Variants in ADAMTS12 observed in about 807,000 individuals in gnomAD.
ADAMTS12 encodes the protein ADAM metallopeptidase with thrombospondin type 1 motif 12.
Under a neutral mutation model 167.8 loss-of-function variants are expected in ADAMTS12, and 118 were observed. That is an observed-to-expected ratio of 0.70 (90% CI 0.61 to 0.82). ADAMTS12 has a LOEUF of 0.82. Among genes scored for constraint, ADAMTS12 ranks in the 40% least tolerant of loss-of-function variants. The pLI, the probability that ADAMTS12 is intolerant of heterozygous loss-of-function variation, is 0.00. For synonymous variants in ADAMTS12, 704 were observed against 716.9 expected, an observed-to-expected ratio of 0.98 and a Z score of 0.29; for missense variants, 1,916 against 1,998.8, an observed-to-expected ratio of 0.96 and a Z score of 0.79.
chr5:33,888,422 T>A (rs922737292), intron 1 of ADAMTS12, among the ~76,000 whole-genome samples: 12 of 152,260 alleles, frequency 7.9e-5, no homozygotes, highest in African/African-American at 2.7e-4. Flanking sequence ...ATAAACTTTA[T>A]GATAACTAAT....
At chr5:33,818,027 A>G (rs1561288169) in intron 2 of ADAMTS12, among the ~76,000 whole-genome samples, 1 of 152,166 alleles carries the variant, frequency 6.6e-6, no homozygotes, top group African/African-American at 2.4e-5. Flanking sequence ...TGAGGTTTAC[A>G]ACATAGGATA....
intron 5 of ADAMTS12, among the ~76,000 whole-genome samples, chr5:33,679,173 T>C (rs1361105873): frequency 1.3e-5 from 2 of 152,228 alleles, no homozygotes; most frequent in African/African-American, 4.8e-5. Context: ...CAACCTCCCA[T>C]TGTGTGGTCC....
intron 16 of ADAMTS12, among the ~76,000 whole-genome samples, chr5:33,601,392 C>A (rs1738180551): frequency 6.6e-6 from 1 of 152,082 alleles, no homozygotes; most frequent in Admixed American, 6.6e-5. Context: ...CATAGTAGGA[C>A]CTTGAGAAAA....
chr5:33,825,572 G>A, intron 2 of ADAMTS12, among the ~76,000 whole-genome samples: 1 of 152,164 alleles, frequency 6.6e-6, no homozygotes, highest in Middle Eastern at 3.2e-3. Context: ...AGGGCAAAAA[G>A]CATATGAGTC....
chr5:33,805,744 G>T (rs1379292995), intron 2 of ADAMTS12, among the ~76,000 whole-genome samples: 1 of 152,154 alleles, frequency 6.6e-6, no homozygotes, highest in African/African-American at 2.4e-5. Context: ...GGAAAAAAGG[G>T]CTGGGTGCAG....
At chr5:33,560,355 T>C (rs554510118) in intron 20 of ADAMTS12, among the ~76,000 whole-genome samples, 6 of 152,154 alleles carry the variant, frequency 3.9e-5, no homozygotes, top group Non-Finnish European at 2.9e-5. Flanking sequence ...ATTGTGGAAG[T>C]CAGTGTGGCG....
At chr5:33,655,312 G>A (rs2112204421) in intron 7 of ADAMTS12, among the ~76,000 whole-genome samples, 1 of 152,156 alleles carries the variant, frequency 6.6e-6, no homozygotes, top group Non-Finnish European at 1.5e-5. Flanking sequence ...AAAGTATCAA[G>A]GAATTATTAA....
At chr5:33,728,732 G>A in intron 3 of ADAMTS12, among the ~76,000 whole-genome samples, 1 of 152,204 alleles carries the variant, frequency 6.6e-6, no homozygotes, top group East Asian at 1.9e-4. Context: ...CTGTGTGTAG[G>A]AAAGGGGAAG....
At chr5:33,847,272 C>T (rs974387133) in intron 2 of ADAMTS12, among the ~76,000 whole-genome samples, 1 of 152,108 alleles carries the variant, frequency 6.6e-6, no homozygotes, top group Admixed American at 6.5e-5. Flanking sequence ...AAGGGTAGCA[C>T]CTTCATGCAA....
At chr5:33,889,869 T>C (rs1318800174) in intron 1 of ADAMTS12, among the ~76,000 whole-genome samples, 2 of 152,100 alleles carry the variant, frequency 1.3e-5, no homozygotes, top group Admixed American at 6.6e-5. Flanking sequence ...GGAGAATCAC[T>C]TGAACCCGGG....
intron 15 of ADAMTS12, among the ~76,000 whole-genome samples, chr5:33,615,501 CCA>C (rs1360162919): frequency 2.6e-5 from 4 of 152,140 alleles, no homozygotes; most frequent in African/African-American, 9.7e-5. Context: ...CACTTTATCC[CCA>C]CTGTTGGAAA....
At chr5:33,679,913 A>G (rs2112254785) in intron 5 of ADAMTS12, among the ~76,000 whole-genome samples, 1 of 152,334 alleles carries the variant, frequency 6.6e-6, no homozygotes, top group Non-Finnish European at 1.5e-5. Context: ...GAGTCACAGC[A>G]CTGAACCTCA....
At chr5:33,543,647 A>C (rs1043080764) in intron 22 of ADAMTS12, among the ~76,000 whole-genome samples, 1 of 152,348 alleles carries the variant, frequency 6.6e-6, no homozygotes, top group East Asian at 1.9e-4. Context: ...GGAGCACATC[A>C]AAAAGCTTAT....
At chr5:33,803,042 G>C (rs192292022) in intron 2 of ADAMTS12, among the ~76,000 whole-genome samples, 5 of 152,274 alleles carry the variant, frequency 3.3e-5, no homozygotes, top group African/African-American at 1.2e-4. Context: ...ATAAGATAAG[G>C]ATGTCCAGGG....
chr5:33,776,958 C>T (rs1745934984), intron 2 of ADAMTS12, among the ~76,000 whole-genome samples: 1 of 152,086 alleles, frequency 6.6e-6, no homozygotes, highest in Admixed American at 6.5e-5. Context: ...AACCTACAAC[C>T]TGCCAAGTCT....
intron 1 of ADAMTS12, among the ~76,000 whole-genome samples, chr5:33,887,302 A>G (rs1315189782): frequency 6.6e-6 from 1 of 152,090 alleles, no homozygotes; most frequent in Non-Finnish European, 1.5e-5. Flanking sequence ...CTGGGACTAT[A>G]CTTCCATCTC....
chr5:33,553,567 C>T (rs1483015679), intron 20 of ADAMTS12, among the ~76,000 whole-genome samples: 1 of 152,194 alleles, frequency 6.6e-6, no homozygotes, highest in Non-Finnish European at 1.5e-5. Context: ...TTTGCAGGAA[C>T]ATGGTTGGAG....
At chr5:33,686,160 G>A (rs1354960107) in intron 3 of ADAMTS12, among the ~76,000 whole-genome samples, 1 of 152,184 alleles carries the variant, frequency 6.6e-6, no homozygotes, top group African/African-American at 2.4e-5. Context: ...CTGGCAGACA[G>A]TTTTCTCACC....
chr5:33,670,937 T>C (rs1459120943), intron 5 of ADAMTS12, among the ~76,000 whole-genome samples: 1 of 152,128 alleles, frequency 6.6e-6, no homozygotes, highest in African/African-American at 2.4e-5. Context: ...AGTGGGTGAA[T>C]AGTTAAACAA....
Sources: allele counts gnomAD v4.1 joint callset (sites outside exome capture counted in the v4.1 genomes callset), GRCh38; gene constraint gnomAD v4.1.1; transcripts MANE v1.5; gene names NCBI Gene and HGNC (gene_info 2026-07-23, HGNC 2026-07-21).